The following ZCCHC7 variants were observed in gnomAD, a reference collection of about 807,000 sequenced individuals.
ZCCHC7 encodes zinc finger CCHC-type containing 7.
ZCCHC7 carries 35 observed loss-of-function variants against 52.0 expected under a neutral mutation model. That is an observed-to-expected ratio of 0.67 (90% CI 0.51 to 0.89). The LOEUF (loss-of-function observed/expected upper bound fraction) is 0.89. Among genes scored for constraint, ZCCHC7 ranks in the 40% least tolerant of loss-of-function variants. The probability of loss-of-function intolerance (pLI) is 0.00; values close to 1 mark genes in which losing one functional copy is unlikely to be tolerated. For synonymous variants in ZCCHC7, 217 were observed against 221.5 expected (o/e 0.98, Z 0.18); for missense variants, 574 against 649.1 (o/e 0.88, Z 1.26).
At chr9:37,307,708 C>A (rs1450312770) in intron 5 of ZCCHC7, among the ~76,000 whole-genome samples, 1 of 151,618 alleles carries the variant, frequency 6.6e-6, no homozygotes, top group Non-Finnish European at 1.5e-5. Context: ...GTATGGCTTT[C>A]TGTTGAAATG....
intron 6 of ZCCHC7, among the ~76,000 whole-genome samples, chr9:37,328,877 A>G (rs990313329): frequency 1.3e-5 from 2 of 151,972 alleles, no homozygotes; most frequent in Non-Finnish European, 2.9e-5. Context: ...GATTTTCAGT[A>G]GAAAGCTGTA....
intron 2 of ZCCHC7, among the ~76,000 whole-genome samples, chr9:37,194,587 G>T (rs1226987180): frequency 2.0e-5 from 3 of 152,150 alleles, no homozygotes; most frequent in Non-Finnish European, 4.4e-5. Flanking sequence ...TGTGCCTTAA[G>T]CTTAAGTGAT....
intron 2 of ZCCHC7, among the ~76,000 whole-genome samples, chr9:37,225,869 G>A (rs1392443772): frequency 6.6e-6 from 1 of 152,198 alleles, no homozygotes; most frequent in Non-Finnish European, 1.5e-5. Context: ...AAACTGGGAA[G>A]AAGACAAGAC....
chr9:37,244,447 AAC>A (rs1044507140), intron 2 of ZCCHC7, among the ~76,000 whole-genome samples: 26 of 152,036 alleles, frequency 1.7e-4, no homozygotes, highest in African/African-American at 5.5e-4. Flanking sequence ...TATTTTATAA[AAC>A]AGTTTATTTT....
At chr9:37,135,964 T>A (rs1005272258) in intron 2 of ZCCHC7, among the ~76,000 whole-genome samples, 2 of 152,198 alleles carry the variant, frequency 1.3e-5, no homozygotes, top group African/African-American at 4.8e-5. Context: ...AAAATTTGAA[T>A]AGAGTGGGTT....
intron 2 of ZCCHC7, among the ~76,000 whole-genome samples, chr9:37,284,686 A>G (rs981291997): frequency 6.6e-6 from 1 of 152,192 alleles, no homozygotes; most frequent in Non-Finnish European, 1.5e-5. Context: ...TATAAGGGAA[A>G]CTGCTTTAAA....
intron 2 of ZCCHC7, among the ~76,000 whole-genome samples, chr9:37,300,685 C>T (rs940466543): frequency 2.6e-5 from 4 of 152,124 alleles, no homozygotes; most frequent in African/African-American, 9.7e-5. Context: ...ACAAGTCAAG[C>T]TTGATTTGTG....
At chr9:37,126,208 T>C (rs1842530548) in intron 1 of ZCCHC7, 104 bp from the exon 2 acceptor site, 7 of 1,116,558 alleles carry the variant, frequency 6.3e-6, no homozygotes, top group Non-Finnish European at 8.9e-6. Flanking sequence ...AGAATAGTGA[T>C]GGCCTTCATA....
intron 2 of ZCCHC7, among the ~76,000 whole-genome samples, chr9:37,193,074 A>C (rs1247615373): frequency 2.0e-5 from 3 of 152,182 alleles, no homozygotes; most frequent in African/African-American, 7.2e-5. Flanking sequence ...ATAGAAATGA[A>C]AGTTTATTTG....
chr9:37,180,815 TTTG>T (rs1397947326), intron 2 of ZCCHC7, among the ~76,000 whole-genome samples: 1 of 152,138 alleles, frequency 6.6e-6, no homozygotes, highest in Non-Finnish European at 1.5e-5. Context: ...AAAATTAATT[TTTG>T]TTCTCAAATA....
chr9:37,223,180 G>T (rs1824917379), intron 2 of ZCCHC7, among the ~76,000 whole-genome samples: 1 of 152,072 alleles, frequency 6.6e-6, no homozygotes, highest in Non-Finnish European at 1.5e-5. Context: ...AAATGTAATA[G>T]ATACTTGTAT....
At chr9:37,216,942 A>G (rs1431774473) in intron 2 of ZCCHC7, among the ~76,000 whole-genome samples, 2 of 152,014 alleles carry the variant, frequency 1.3e-5, no homozygotes, top group Non-Finnish European at 2.9e-5. Flanking sequence ...TTGAAATAAG[A>G]TATTCATATT....
rs1161388971 is a variant in ZCCHC7 at position 37,304,278 on chromosome 9, C to T, written c.745C>T (p.Arg249Cys). 13 of 1,613,694 alleles carry T rather than the reference C, an allele frequency of 8.1e-6. No individual in the cohort carries two copies. Among genetic ancestry groups the T allele is most frequent in the South Asian group, 1.1e-5 (1 of 91,068 alleles). ...KNIICRNCDK[R>C]GHLSKNCPLP... ...CATTATCTGTAGAAATTGTGACAAA[C>T]GTGGTCATTTATCAAAAAACTGCCC... Residue 249 changes from arginine to cysteine, a missense_variant, in exon 4 of 9, where the codon CGT becomes TGT. By Grantham distance (180) the Arg-to-Cys change is radical. Around this residue, in one of 3 missense-constraint regions of ZCCHC7, gnomAD observed 403 missense variants for 461.2 expected, o/e 0.87. Transcript: ENST00000336755.
At chr9:37,159,088 CT>C (rs1289373979) in intron 2 of ZCCHC7, among the ~76,000 whole-genome samples, 1 of 152,158 alleles carries the variant, frequency 6.6e-6, no homozygotes, top group Non-Finnish European at 1.5e-5. Context: ...GATTTGCATG[CT>C]GTTCACATTT....
At position 37,137,056 on chromosome 9, in the gene ZCCHC7, T is replaced by C. The variant is rs144997657; in HGVS notation, c.610+10114T>C. Among the ~76,000 whole-genome samples, 432 of 152,342 alleles carry C rather than the reference T, an allele frequency of 2.8e-3. 2 individuals are homozygous for C. Among genetic ancestry groups the C allele is most frequent in the African/African-American group, 9.8e-3 (409 of 41,566 alleles). On this transcript the variant is annotated intron_variant, in intron 2 of 8. Transcript: ENST00000336755. ...GAAATCTTAAAATCTTTCCAAATATTATTTACTGGGTGCTGACAACGTACA... is the reference window on the plus strand; with the variant it reads ...GAAATCTTAAAATCTTTCCAAATATCATTTACTGGGTGCTGACAACGTACA...
At chr9:37,194,973 G>C (rs912874919) in intron 2 of ZCCHC7, among the ~76,000 whole-genome samples, 44 of 148,430 alleles carry the variant, frequency 3.0e-4, no homozygotes, top group African/African-American at 1.0e-3. Context: ...TTGAGATGGG[G>C]TCTCACTCTA....
At chr9:37,298,781 A>T (rs1316750930) in intron 2 of ZCCHC7, among the ~76,000 whole-genome samples, 1 of 152,216 alleles carries the variant, frequency 6.6e-6, no homozygotes, top group Non-Finnish European at 1.5e-5. Flanking sequence ...GTTACACCTC[A>T]TTAGTTTCCT....
chr9:37,211,354 T>G (rs1465058562), intron 2 of ZCCHC7, among the ~76,000 whole-genome samples: 1 of 152,030 alleles, frequency 6.6e-6, no homozygotes, highest in African/African-American at 2.4e-5. Context: ...GGTTTTTTGG[T>G]TTGTTTGTTT....
intron 5 of ZCCHC7, among the ~76,000 whole-genome samples, chr9:37,318,008 TG>T (rs1829896238): frequency 6.6e-6 from 1 of 151,874 alleles, no homozygotes; most frequent in African/African-American, 2.4e-5. Context: ...TAATACCCAA[TG>T]TTAGGGAAGC....
Sources: allele counts gnomAD v4.1 joint callset (sites outside exome capture counted in the v4.1 genomes callset), GRCh38; gene constraint gnomAD v4.1.1; regional missense constraint gnomAD v4.1.1; transcripts MANE v1.5; gene names NCBI Gene and HGNC (gene_info 2026-07-23, HGNC 2026-07-21).